The following FREM2 variants were observed in gnomAD, a reference collection of about 807,000 sequenced individuals.
FREM2 encodes the protein FRAS1-related extracellular matrix protein 2.
Under a neutral mutation model 219.9 loss-of-function variants are expected in FREM2, and 119 were observed. The observed-to-expected ratio is 0.54, with a 90% CI of 0.47 to 0.63. FREM2 has a LOEUF of 0.63. Ranked by LOEUF, FREM2 falls within the 30% of genes least tolerant of loss-of-function variation. The pLI, the probability that FREM2 is intolerant of heterozygous loss-of-function variation, is 0.00. For synonymous variants in FREM2, 1,562 were observed against 1,522.8 expected (o/e 1.03, Z -0.60); for missense variants, 4,030 against 3,993.6 (o/e 1.01, Z -0.25).
chr13:38,701,399 T>C (rs1566109906), intron 2 of FREM2, among the ~76,000 whole-genome samples: 1 of 152,176 alleles, frequency 6.6e-6, no homozygotes, highest in Non-Finnish European at 1.5e-5. Context: ...TCGTGCTTTA[T>C]ATCTTCACGA....
At position 38,789,210 on chromosome 13, in the gene FREM2, A is replaced by G. The variant is rs531673799; in HGVS notation, c.6019+4402A>G. On this transcript the variant is annotated intron_variant, in intron 6 of 23. Transcript: ENST00000280481. ...CATAATTTAATTTTGTAGGTTTGGT[A>G]AAATTATAAATCTGCCTGTATGTAT... Among the ~76,000 whole-genome samples the G allele has an allele frequency of 3.5e-4, 53 of 152,088 alleles. 1 individual carries two copies. The highest frequency in any genetic ancestry group is 1.3e-3 in the African/African-American group (53 of 41,566).
At chr13:38,757,216 G>A (rs1873047285) in intron 2 of FREM2, among the ~76,000 whole-genome samples, 1 of 152,028 alleles carries the variant, frequency 6.6e-6, no homozygotes, top group African/African-American at 2.4e-5. Context: ...ACCTGGGATG[G>A]GTATATATGT....
At chr13:38,714,961 G>A (rs753879905) in intron 2 of FREM2, among the ~76,000 whole-genome samples, 10 of 151,878 alleles carry the variant, frequency 6.6e-5, no homozygotes, top group Non-Finnish European at 7.4e-5. Context: ...GCATGGTGGC[G>A]GGCACCTGTA....
chr13:38,731,444 C>G (rs983182449), intron 2 of FREM2, among the ~76,000 whole-genome samples: 31 of 151,846 alleles, frequency 2.0e-4, no homozygotes, highest in African/African-American at 7.3e-4. Context: ...GATAAATGGG[C>G]CTTTTGTTTT....
rs755417969 is a variant in FREM2 at position 38,687,380 on chromosome 13, C to G, written c.36C>G (p.Arg12=). The change falls in exon 1 of 24, where the codon CGC becomes CGG. Residue 12 remains arginine, a synonymous_variant. Coordinates refer to ENST00000280481, the MANE Select transcript of FREM2 (RefSeq NM_207361.6). ...HSAGTPGLSS[R]RTGNSTSFQP... is the part of the protein sequence containing the mutation. ...CCGGGACTCCCGGGTTATCCTCGCG[C>G]CGGACAGGCAACTCCACCAGCTTTC... 1.2e-5 allele frequency: 20 copies of G among 1,608,740 alleles called. No homozygotes were observed. The highest frequency in any genetic ancestry group is 1.6e-5 in the Non-Finnish European group (19 of 1,178,106).
intron 6 of FREM2, among the ~76,000 whole-genome samples, chr13:38,818,854 T>TAC (rs1227508760): frequency 6.6e-6 from 1 of 151,762 alleles, no homozygotes; most frequent in Non-Finnish European, 1.5e-5. Context: ...ATCGCACCAC[T>TAC]ACACTCTAGT....
chr13:38,691,582 C>T lies in FREM2; in HGVS notation c.4238C>T (p.Ser1413Phe). ...NPLIDRYFYV[S>F]IGSIDIVFPD... is the part of the protein sequence containing the mutation. ...CTCATAGATCGTTACTTTTATGTGT[C>T]CATCGGGAGCATTGACATTGTCTTC... The change falls in exon 1 of 24, where the codon TCC (serine) becomes TTC (phenylalanine). Residue 1413 changes from serine to phenylalanine, a missense_variant. By Grantham distance (155) the Ser-to-Phe change is radical. Coordinates refer to ENST00000280481, the MANE Select transcript of FREM2 (RefSeq NM_207361.6). 1 of 1,614,090 alleles carries T rather than the reference C, an allele frequency of 6.2e-7. No individual in the cohort carries two copies. Among genetic ancestry groups the T allele is most frequent in the Non-Finnish European group, 8.5e-7 (1 of 1,180,010 alleles).
chr13:38,702,613 GA>G (rs1200107598), intron 2 of FREM2, among the ~76,000 whole-genome samples: 2 of 127,900 alleles, frequency 1.6e-5, no homozygotes, highest in African/African-American at 5.0e-5. Context: ...GAAAAAATTA[GA>G]ATACATACCT....
chr13:38,858,602 C>T (rs530223739), intron 13 of FREM2, among the ~76,000 whole-genome samples: 104 of 152,224 alleles, frequency 6.8e-4, no homozygotes, highest in African/African-American at 2.5e-3. Flanking sequence ...AGTTTAAGCT[C>T]CTTGTGAGCT....
intron 2 of FREM2, among the ~76,000 whole-genome samples, chr13:38,747,841 A>G (rs144343767): frequency 1.4e-3 from 209 of 152,306 alleles, no homozygotes; most frequent in African/African-American, 4.7e-3. Flanking sequence ...CTTAAAGTTT[A>G]TGTTGCAGCA....
chr13:38,691,013 T>C lies in FREM2; in HGVS notation c.3669T>C (p.Asp1223=), dbSNP rs1486454293. ...LNAADADVPL[D]DLTFTITQFP... is the part of the protein sequence containing the mutation. ...CTGCTGATGCTGATGTTCCCCTGGA[T>C]GATTTAACTTTCACTATTACCCAAT... Residue 1223 remains aspartate, a synonymous_variant, in exon 1 of 24, where the codon GAT becomes GAC. Coordinates refer to ENST00000280481, the MANE Select transcript of FREM2 (RefSeq NM_207361.6). 2 of 1,614,070 alleles carry C rather than the reference T, an allele frequency of 1.2e-6. No homozygotes were observed. Among genetic ancestry groups the C allele is most frequent in the African/African-American group, 1.3e-5 (1 of 74,934 alleles).
At chr13:38,805,846 AAAT>A (rs1875205993) in intron 6 of FREM2, among the ~76,000 whole-genome samples, 1 of 151,972 alleles carries the variant, frequency 6.6e-6, no homozygotes, top group South Asian at 2.1e-4. Flanking sequence ...TGGAATTGTC[AAAT>A]AATAAATATA....
At chr13:38,792,866 T>A (rs1190324380) in intron 6 of FREM2, among the ~76,000 whole-genome samples, 1 of 152,152 alleles carries the variant, frequency 6.6e-6, no homozygotes, top group Non-Finnish European at 1.5e-5. Flanking sequence ...AAGTAGACAA[T>A]AAATTTACCT....
In FREM2 at chr13:38,872,780, C is replaced by A; in HGVS notation, c.8022C>A (p.Val2674=). The change falls in exon 17 of 24, where the codon GTC becomes GTA. Residue 2674 remains valine, a synonymous_variant. Transcript: ENST00000280481. ...TGCAGTCCTATGTGACCCTTCGAGT[C>A]CCTCTGTATGTTTCCTACGTGTTCC... ...NLVQSYVTLR[V]PLYVSYVFHS... The A allele has an allele frequency of 6.2e-7, 1 of 1,614,002 alleles. No individual in the cohort carries two copies. Among genetic ancestry groups the A allele is most frequent in the East Asian group, 2.2e-5 (1 of 44,874 alleles).
At chr13:38,753,151 T>C (rs1330774778) in intron 2 of FREM2, among the ~76,000 whole-genome samples, 1 of 152,172 alleles carries the variant, frequency 6.6e-6, no homozygotes, top group East Asian at 1.9e-4. Flanking sequence ...AGTTATTTTT[T>C]CTATAACAAT....
At chr13:38,698,528 G>A (rs9603410) in intron 2 of FREM2, among the ~76,000 whole-genome samples, 3 of 152,100 alleles carry the variant, frequency 2.0e-5, no homozygotes, top group African/African-American at 7.2e-5. Flanking sequence ...GTCACTTTCA[G>A]ATTGCTCATA....
At chr13:38,828,805 T>A (rs1217459283) in intron 6 of FREM2, among the ~76,000 whole-genome samples, 1 of 152,160 alleles carries the variant, frequency 6.6e-6, no homozygotes, top group African/African-American at 2.4e-5. Flanking sequence ...AGCTCATTTT[T>A]AATGGTTATA....
chr13:38,843,339 C>T (rs1877031204), intron 6 of FREM2, among the ~76,000 whole-genome samples: 1 of 151,954 alleles, frequency 6.6e-6, no homozygotes, highest in South Asian at 2.1e-4. Context: ...GAATAGGCTT[C>T]TAGTTTACTT....
chr13:38,783,818 C>G (rs139846301), intron 5 of FREM2, among the ~76,000 whole-genome samples: 2 of 152,120 alleles, frequency 1.3e-5, no homozygotes, highest in East Asian at 1.9e-4. Context: ...CTTCAGAGGC[C>G]GGGCTCAGTG....
Sources: gnomAD v4.1 joint callset for allele counts (sites outside exome capture counted in the v4.1 genomes callset) on GRCh38, gnomAD v4.1.1 for gene constraint, MANE v1.5 for transcripts, NCBI Gene and HGNC (gene_info 2026-07-23, HGNC 2026-07-21) for gene names.